SZT2: variants seen among roughly 807,000 people sequenced by gnomAD.
SZT2 encodes the protein KICSTOR complex protein SZT2.
A neutral mutation model predicts 404.2 loss-of-function variants in SZT2; 216 were observed. The observed-to-expected ratio is 0.53, with a 90% CI of 0.48 to 0.60. The LOEUF (loss-of-function observed/expected upper bound fraction) is 0.60. Among genes scored for constraint, SZT2 ranks in the 20% least tolerant of loss-of-function variants. The pLI, the probability that SZT2 is intolerant of heterozygous loss-of-function variation, is 0.00. For missense variants in SZT2, 3,857 were observed against 4,459.2 expected, an observed-to-expected ratio of 0.86 and a Z score of 3.85; for synonymous variants, 1,693 against 1,749.9, an observed-to-expected ratio of 0.97 and a Z score of 0.81.
In SZT2 at chr1:43,453,945, C is replaced by T. The variant is rs1049894099; in HGVS notation, c.*3465C>T. 17 of 1,200,118 alleles carry T rather than the reference C, an allele frequency of 1.4e-5. No homozygotes were observed. The highest frequency in any genetic ancestry group is 4.1e-5 in the South Asian group (1 of 24,196). The allele number at this position is 1,200,118 out of a possible 1,614,324, so 74.3% of individuals were successfully genotyped here. A position where few individuals can be genotyped will look rare whatever the true frequency, so the allele number is the denominator to read the frequency against. On this transcript the variant is annotated 3_prime_UTR_variant, in exon 72 of 72. Transcript: ENST00000634258. ...AGAAAAGCGAAGTGCTGTAAAAACC[C>T]GGGCCTTCACGAAAAGCGCCTACGG... is the stretch of plus-strand genomic sequence containing the variant.
intron 34 of SZT2, 26 bp downstream of exon 34, chr1:43,431,398 T>TTCCCTG (rs761272759): frequency 1.9e-6 from 3 of 1,612,760 alleles, no homozygotes; most frequent in Non-Finnish European, 2.5e-6. Flanking sequence ...CCTGTCAGAG[T>TTCCCTG]TCATTACTGC....
At chr1:43,436,930 T>A (rs1654515671) in intron 42 of SZT2, 2 of 556,368 alleles carry the variant, frequency 3.6e-6, no homozygotes. Flanking sequence ...TACCTCTCAT[T>A]AGCTCCTTCT....
rs752343769 is a variant in SZT2 at position 43,446,325 on chromosome 1, C to A, written c.8998-17C>A. The A allele has an allele frequency of 2.7e-5, 43 of 1,614,154 alleles. No individual in the cohort carries two copies. In the South Asian group the frequency reaches 4.1e-4, roughly 15 times the overall value. ...CTGTCTCTCGCCTTCCTGATCTCAT[C>A]TTCACCTTCCCTCCAGGGCTGTTAC... On this transcript the variant is annotated splice_polypyrimidine_tract_variant and intron_variant, in intron 64 of 71. Coordinates refer to ENST00000634258, the MANE Select transcript of SZT2 (RefSeq NM_001365999.1).
rs367869584 is a variant in SZT2 at position 43,451,976 on chromosome 1, C to T, written c.*1496C>T. ...CAGGAAGTACTGGGGGTCAGTGATG[C>T]GGGTGTTGATGGGCTCCAGCAGTCC... On this transcript the variant is annotated 3_prime_UTR_variant, in exon 72 of 72. Coordinates refer to ENST00000634258, the MANE Select transcript of SZT2 (RefSeq NM_001365999.1). 78 of 1,611,076 alleles carry T rather than the reference C, an allele frequency of 4.8e-5. No homozygotes were observed. The highest frequency in any genetic ancestry group is 6.1e-5 in the Non-Finnish European group (72 of 1,178,110).
chr1:43,450,469 C>T lies in SZT2; in HGVS notation c.10288C>T (p.Arg3430Cys), dbSNP rs750291489. 1.9e-5 allele frequency: 30 copies of T among 1,613,996 alleles called. No individual in the cohort carries two copies. The highest frequency in any genetic ancestry group is 5.3e-5 in the African/African-American group (4 of 74,904). ...INTACFTLWT[R>C]LL ...CACAGCCTGTTTCACCCTCTGGACC[C>T]GCCTCCTCTGAGGGAGTGGACTGGA... The change falls in exon 72 of 72, where the codon CGC becomes TGC. Residue 3430 changes from arginine (R) to cysteine (C), a missense_variant. Physicochemically the swap from Arg to Cys is radical, Grantham distance 180 (BLOSUM62 -3). Around this residue, in one of 7 missense-constraint regions of SZT2, gnomAD observed 717 missense variants for 868.2 expected, o/e 0.83. Coordinates refer to ENST00000634258, the MANE Select transcript of SZT2 (RefSeq NM_001365999.1). The surrounding 1 kb of genome is among the most constrained non-coding windows in gnomAD (Gnocchi z 4.3).
In SZT2 at chr1:43,424,192, G is replaced by C. The variant is rs1183000795; in HGVS notation, c.2256-25G>C. On this transcript the variant is annotated intron_variant, in intron 15 of 71. Transcript: ENST00000634258. This position sits in a 1 kb window ranked among gnomAD's most constrained non-coding sequence, Gnocchi z 4.1. ...GGCTTAGCCGGGGATGAGAGAGATA[G>C]CTGGGGAGTTGTCCCATTTCCTAGG... 6.3e-7 allele frequency: 1 copy of C among 1,587,372 alleles called. No individual in the cohort carries two copies. The highest frequency in any genetic ancestry group is 1.1e-5 in the South Asian group (1 of 90,002).
At position 43,441,054 on chromosome 1, in the gene SZT2, G is replaced by C. The variant is rs984513333; in HGVS notation, c.7345-160G>C. Reference sequence around the variant, plus strand: ...AGTGAGGAAGGTGAGGCTCAGGAAAGTTAGGTAACCTGCCCAAGGCTCCTT... The same window carrying C: ...AGTGAGGAAGGTGAGGCTCAGGAAACTTAGGTAACCTGCCCAAGGCTCCTT... On this transcript the variant is annotated intron_variant, in intron 52 of 71. Coordinates refer to ENST00000634258, the MANE Select transcript of SZT2 (RefSeq NM_001365999.1). The surrounding 1 kb of genome is among the most constrained non-coding windows in gnomAD (Gnocchi z 4.8). Among the ~76,000 whole-genome samples, 2 of 152,210 alleles carry C rather than the reference G, an allele frequency of 1.3e-5. No homozygotes were observed. The highest frequency in any genetic ancestry group is 2.9e-5 in the Non-Finnish European group (2 of 68,034).
At chr1:43,431,686 T>A (rs773949931) in intron 35 of SZT2, 30 bp from the exon 36 acceptor site, 3 of 1,611,302 alleles carry the variant, frequency 1.9e-6, no homozygotes, top group Non-Finnish European at 2.5e-6. Flanking sequence ...GCAAGGGAGA[T>A]GCCCTTTGTC....
At position 43,430,266 on chromosome 1, in the gene SZT2, A is replaced by G. The variant is rs781302357; in HGVS notation, c.4402-45A>G. ...TAATCCCACTTGCCTAGGATGAGGC[A>G]AGTGGGATTCTTGCCTCATCATCTT... On this transcript the variant is annotated intron_variant, in intron 30 of 71. Coordinates refer to ENST00000634258, the MANE Select transcript of SZT2 (RefSeq NM_001365999.1). The G allele has an allele frequency of 1.9e-6, 3 of 1,606,660 alleles. No individual in the cohort carries two copies. In the East Asian group the frequency reaches 6.7e-5, roughly 36 times the overall value.
rs1280838477 is a variant in SZT2 at position 43,429,719 on chromosome 1, C to G, written c.4183C>G (p.Leu1395Val). 1 of 1,614,202 alleles carries G rather than the reference C, an allele frequency of 6.2e-7. No homozygotes were observed. Among genetic ancestry groups the G allele is most frequent in the South Asian group, 1.1e-5 (1 of 91,088 alleles). Reference sequence around the variant, plus strand: ...ACCATTCAGCATAGAGACCGAGGACCTAAGCGAGCCTGAGTTTCAGAGCAC... The same window carrying G: ...ACCATTCAGCATAGAGACCGAGGACGTAAGCGAGCCTGAGTTTCAGAGCAC... ...ASESSIETED[L>V]SEPEFQSTRV... The change falls in exon 29 of 72, where the codon CTA becomes GTA. Residue 1395 changes from leucine (L) to valine (V), a missense_variant. Coordinates refer to ENST00000634258, the MANE Select transcript of SZT2 (RefSeq NM_001365999.1).
At chr1:43,397,425 C>CAA (rs1242693700) in intron 1 of SZT2, among the ~76,000 whole-genome samples, 1 of 124,220 alleles carries the variant, frequency 8.1e-6, no homozygotes. Flanking sequence ...GACTCCATTT[C>CAA]AAAAAAAAAA....
intron 1 of SZT2, among the ~76,000 whole-genome samples, chr1:43,394,635 T>G (rs1424494808): frequency 1.3e-5 from 2 of 152,178 alleles, no homozygotes; most frequent in Non-Finnish European, 2.9e-5. Context: ...TCCCAACACT[T>G]TGGGAGGCTG....
In SZT2 at chr1:43,439,718, G is replaced by C; in HGVS notation, c.6991G>C (p.Glu2331Gln). 6.2e-7 allele frequency: 1 copy of C among 1,611,338 alleles called. No individual in the cohort carries two copies. Among genetic ancestry groups the C allele is most frequent in the Non-Finnish European group, 8.5e-7 (1 of 1,178,492 alleles). The change falls in exon 50 of 72, where the codon GAG (glutamate) becomes CAG (glutamine). Residue 2331 changes from glutamate (E) to glutamine (Q), a missense_variant. Glu to Gln is a conservative substitution (Grantham distance 29, BLOSUM62 2). Transcript: ENST00000634258. The surrounding 1 kb of genome is among the most constrained non-coding windows in gnomAD (Gnocchi z 4.2). ...PPDPLREEEF[E>Q]QLTQVIRCPV... Reference sequence around the variant, plus strand: ...AGACCCACTGCGAGAGGAGGAATTTGAGCAACTGACCCAGGTCATCCGCTG... The same window carrying C: ...AGACCCACTGCGAGAGGAGGAATTTCAGCAACTGACCCAGGTCATCCGCTG...
Position 43,450,496 on chromosome 1 carries a change from C to T in SZT2, c.*16C>T. 5 of 1,613,748 alleles carry T rather than the reference C, an allele frequency of 3.1e-6. No individual in the cohort carries two copies. Among genetic ancestry groups the T allele is most frequent in the Non-Finnish European group, 4.2e-6 (5 of 1,179,786 alleles). On this transcript the variant is annotated 3_prime_UTR_variant, in exon 72 of 72. Transcript: ENST00000634258. The surrounding 1 kb of genome is among the most constrained non-coding windows in gnomAD (Gnocchi z 4.3). ...CCTCCTCTGAGGGAGTGGACTGGAC[C>T]ACTGAATGTCACTGTTCCTTGAATC... is the stretch of plus-strand genomic sequence containing the variant.
chr1:43,433,580 G>A (rs1040098341), intron 40 of SZT2, among the ~76,000 whole-genome samples: 16 of 152,168 alleles, frequency 1.1e-4, no homozygotes, highest in Non-Finnish European at 2.2e-4. Flanking sequence ...TTAGGAGTTC[G>A]ATACCAGCCT....
At chr1:43,449,085 C>T (rs778422670) in intron 70 of SZT2, 1 of 234,304 alleles carries the variant, frequency 4.3e-6, no homozygotes. Flanking sequence ...GGTCCACAGA[C>T]CAGCAGCCGC....
intron 62 of SZT2, among the ~76,000 whole-genome samples, chr1:43,444,867 CCT>C (rs1402162543): frequency 2.0e-5 from 3 of 152,180 alleles, no homozygotes; most frequent in Non-Finnish European, 4.4e-5. Context: ...TGTTCTCCCT[CCT>C]CTCTGTTTTC....
intron 62 of SZT2, among the ~76,000 whole-genome samples, chr1:43,444,479 T>C (rs1655443501): frequency 1.3e-5 from 2 of 152,088 alleles, no homozygotes; most frequent in East Asian, 1.9e-4. Context: ...CACTGACCTC[T>C]CCTGAGATTT....
intron 1 of SZT2, among the ~76,000 whole-genome samples, chr1:43,391,310 G>C (rs531288721): frequency 6.7e-6 from 1 of 149,624 alleles, no homozygotes. Flanking sequence ...GTGAAACTCC[G>C]TCTCAAAAAA....
Sources: gnomAD v4.1 joint callset for allele counts (sites outside exome capture counted in the v4.1 genomes callset) on GRCh38, gnomAD v4.1.1 for gene constraint, gnomAD v4.1.1 regional missense constraint, Gnocchi (gnomAD v3.1) non-coding constraint, MANE v1.5 for transcripts, NCBI Gene and HGNC (gene_info 2026-07-23, HGNC 2026-07-21) for gene names.